JMY: variants seen among roughly 807,000 people sequenced by gnomAD.
JMY encodes the protein junction-mediating and -regulatory protein.
A neutral mutation model predicts 103.3 loss-of-function variants in JMY; 46 were observed. That is an observed-to-expected ratio of 0.45 (90% CI 0.35 to 0.57). The LOEUF is 0.57. Ranked by LOEUF, JMY falls within the 20% of genes least tolerant of loss-of-function variation. The pLI is 0.00. For missense variants in JMY, 1,238 were observed against 1,255.2 expected (o/e 0.99, Z 0.21); for synonymous variants, 526 against 489.3 (o/e 1.07, Z -0.99).
intron 9 of JMY, 103 bp from the exon 10 acceptor site, chr5:79,315,897 C>T: frequency 1.1e-6 from 1 of 915,886 alleles, no homozygotes; most frequent in African/African-American, 1.7e-5. Context: ...GATGGTGTTT[C>T]AGCGTCCTGT....
chr5:79,237,394 G>T lies in JMY; in HGVS notation c.744G>T (p.Val248=), dbSNP rs914388411. 6 of 1,613,402 alleles carry T rather than the reference G, an allele frequency of 3.7e-6. No individual in the cohort carries two copies. The highest frequency in any genetic ancestry group is 1.7e-6 in the Non-Finnish European group (2 of 1,180,020). Residue 248 remains valine, a synonymous_variant, in exon 1 of 11, where the codon GTG becomes GTT. Coordinates refer to ENST00000396137, the MANE Select transcript of JMY (RefSeq NM_152405.5). ...LRAVHQQLCS[V]NSQLEPCLPV... Reference sequence around the variant, plus strand: ...CCGTGCACCAGCAGCTGTGCTCGGTGAACTCGCAGTTGGAGCCGTGCCTGC... The same window carrying T: ...CCGTGCACCAGCAGCTGTGCTCGGTTAACTCGCAGTTGGAGCCGTGCCTGC...
intron 7 of JMY, among the ~76,000 whole-genome samples, chr5:79,310,561 C>T (rs1158537107): frequency 6.6e-6 from 1 of 152,142 alleles, no homozygotes; most frequent in African/African-American, 2.4e-5. Context: ...TTTTAAACCA[C>T]CAGTGTCAGA....
rs745774102 is a variant in JMY at position 79,314,441 on chromosome 5, C to T, written c.2249C>T (p.Thr750Ile). Residue 750 changes from threonine (T) to isoleucine (I), a missense_variant, in exon 9 of 11, where the codon ACA (threonine) becomes ATA (isoleucine). Thr to Ile is a moderately conservative substitution (Grantham distance 89, BLOSUM62 -1). Coordinates refer to ENST00000396137, the MANE Select transcript of JMY (RefSeq NM_152405.5). Reference protein sequence around the residue: ...GRVKRGPSQTTEPQSLVQLED... With the variant: ...GRVKRGPSQTIEPQSLVQLED... The stretch of plus-strand genomic sequence containing the variant: ...GTCAAGCGTGGGCCATCACAGACAA[C>T]AGAACCCCAGAGCCTTGTGCAACTT... The T allele has an allele frequency of 1.1e-5, 17 of 1,614,026 alleles. No individual in the cohort carries two copies. In the East Asian group the frequency reaches 3.3e-4, roughly 32 times the overall value.
intron 4 of JMY, among the ~76,000 whole-genome samples, chr5:79,293,370 T>A (rs1052636892): frequency 6.6e-6 from 1 of 150,676 alleles, no homozygotes; most frequent in Non-Finnish European, 1.5e-5. Flanking sequence ...TCCTTTTAAT[T>A]TATACCCCCT....
At chr5:79,313,037 A>G (rs1747099607) in intron 8 of JMY, among the ~76,000 whole-genome samples, 1 of 152,134 alleles carries the variant, frequency 6.6e-6, no homozygotes, top group Non-Finnish European at 1.5e-5. Context: ...AGTACTCTGG[A>G]GCCTTACTTC....
At chr5:79,313,632 A>C (rs1259764906) in intron 8 of JMY, among the ~76,000 whole-genome samples, 4 of 152,220 alleles carry the variant, frequency 2.6e-5, no homozygotes, top group African/African-American at 7.2e-5. Context: ...TTTGCATACC[A>C]GTAGCATTTA....
chr5:79,314,477 C>A lies in JMY; in HGVS notation c.2285C>A (p.Ser762Ter). 1 of 1,614,172 alleles carries A rather than the reference C, an allele frequency of 6.2e-7. No homozygotes were observed. The highest frequency in any genetic ancestry group is 8.5e-7 in the Non-Finnish European group (1 of 1,180,032). ...PQSLVQLEDT[S>*]LTQLEATSLP... Reference sequence around the variant, plus strand: ...AGCCTTGTGCAACTTGAAGATACTTCATTAACACAACTTGAAGCCACCTCA... The same window carrying A: ...AGCCTTGTGCAACTTGAAGATACTTAATTAACACAACTTGAAGCCACCTCA... The change falls in exon 9 of 11, where the codon TCA becomes TAA. Residue 762 changes from serine (S) to a stop codon, truncating the protein, a stop_gained. Transcript: ENST00000396137. LOFTEE classifies it high-confidence loss of function.
chr5:79,275,330 T>G (rs1745908433), intron 1 of JMY, among the ~76,000 whole-genome samples: 1 of 151,862 alleles, frequency 6.6e-6, no homozygotes, highest in South Asian at 2.1e-4. Context: ...CTGGCTAATT[T>G]TTTTGTATTT....
intron 1 of JMY, among the ~76,000 whole-genome samples, chr5:79,263,492 C>T (rs1246959361): frequency 6.6e-6 from 1 of 152,118 alleles, no homozygotes; most frequent in African/African-American, 2.4e-5. Flanking sequence ...CTCCCGGGCT[C>T]AAGTGATCCT....
intron 8 of JMY, 145 bp downstream of exon 8, chr5:79,312,643 A>G (rs1197295439): frequency 2.4e-6 from 1 of 420,604 alleles, no homozygotes; most frequent in East Asian, 3.6e-5. Flanking sequence ...TCCTTTTTAA[A>G]ATTGTTTTAA....
At chr5:79,275,423 A>G (rs940877712) in intron 1 of JMY, among the ~76,000 whole-genome samples, 1 of 152,092 alleles carries the variant, frequency 6.6e-6, no homozygotes, top group African/African-American at 2.4e-5. Context: ...GGCCTCCCAC[A>G]GTGCTGGGAT....
In JMY at chr5:79,316,200, G is replaced by C. The variant is rs1216490898; in HGVS notation, c.2860G>C (p.Asp954His). 6.2e-7 allele frequency: 1 copy of C among 1,614,064 alleles called. No homozygotes were observed. The highest frequency in any genetic ancestry group is 1.7e-5 in the Admixed American group (1 of 60,026). Residue 954 changes from aspartate to histidine, a missense_variant, in exon 10 of 11, where the codon GAC (aspartate) becomes CAC (histidine). By Grantham distance (81) the Asp-to-His change is moderately conservative. Transcript: ENST00000396137. Reference protein sequence around the residue: ...RESFTLLPDTDPLTRSIHEAL... With the variant: ...RESFTLLPDTHPLTRSIHEAL... Reference sequence around the variant, plus strand: ...ATCCTTCACACTTCTACCCGATACAGACCCTCTAACACGGAGCATCCATGA... The same window carrying C: ...ATCCTTCACACTTCTACCCGATACACACCCTCTAACACGGAGCATCCATGA...
In JMY at chr5:79,325,239, TC is replaced by T. The variant is rs1270602262; in HGVS notation, c.*3638del. 1 of 152,200 alleles carries T rather than the reference TC, an allele frequency of 6.6e-6. No individual in the cohort carries two copies. 9.4% of individuals were successfully genotyped at this position (152,200 alleles called of 1,614,324 possible). ...ACAAGGTTTTTGGGGTTTTCTTTTT[TC>T]AGCTTTATTATTGAAGTATTACAAA... On this transcript the variant is annotated 3_prime_UTR_variant, in exon 11 of 11. Transcript: ENST00000396137.
intron 6 of JMY, among the ~76,000 whole-genome samples, chr5:79,304,884 C>T (rs1011156996): frequency 6.6e-6 from 1 of 152,166 alleles, no homozygotes; most frequent in Admixed American, 6.5e-5. Context: ...ACCAACGCTT[C>T]TGGTAGTGAC....
chr5:79,245,090 C>T (rs1554048006), intron 1 of JMY, among the ~76,000 whole-genome samples: 1 of 151,946 alleles, frequency 6.6e-6, no homozygotes, highest in South Asian at 2.1e-4. Flanking sequence ...CTTTTTCAGA[C>T]TGTAGCAAAG....
chr5:79,318,076 G>A (rs1422155322), intron 10 of JMY, among the ~76,000 whole-genome samples: 4 of 152,032 alleles, frequency 2.6e-5, no homozygotes, highest in Admixed American at 6.6e-5. Context: ...ATCTCGGCTC[G>A]CTGCAAGCTC....
intron 2 of JMY, among the ~76,000 whole-genome samples, chr5:79,289,253 A>T (rs950090648): frequency 1.3e-5 from 2 of 150,724 alleles, no homozygotes; most frequent in African/African-American, 4.9e-5. Context: ...AAAAAAAAAA[A>T]GGAGAATATG....
At chr5:79,310,056 CCTT>C (rs1747000456) in intron 7 of JMY, among the ~76,000 whole-genome samples, 1 of 100,798 alleles carries the variant, frequency 9.9e-6, no homozygotes, top group Non-Finnish European at 1.8e-5. Context: ...TCTTTCTTTT[CCTT>C]TTTTTTTTTT....
At chr5:79,302,478 TC>T (rs1347514476) in intron 6 of JMY, among the ~76,000 whole-genome samples, 1 of 152,132 alleles carries the variant, frequency 6.6e-6, no homozygotes, top group African/African-American at 2.4e-5. Flanking sequence ...AGGAAAGGCT[TC>T]TCTGAAGAGA....
Sources: gnomAD v4.1 joint callset for allele counts (sites outside exome capture counted in the v4.1 genomes callset) on GRCh38, gnomAD v4.1.1 for gene constraint, MANE v1.5 for transcripts, NCBI Gene and HGNC (gene_info 2026-07-23, HGNC 2026-07-21) for gene names.